Variants in CD27 observed in about 807,000 individuals in gnomAD.
CD27 encodes CD27 molecule.
A neutral mutation model predicts 25.9 loss-of-function variants in CD27; 16 were observed. The observed-to-expected ratio is 0.62, with a 90% CI of 0.42 to 0.94. CD27 has a LOEUF of 0.94. Among genes scored for constraint, CD27 ranks in the 40% least tolerant of loss-of-function variants. The pLI, the probability that CD27 is intolerant of heterozygous loss-of-function variation, is 0.00. For missense variants in CD27, 300 were observed against 333.2 expected, an observed-to-expected ratio of 0.90 and a Z score of 0.78; for synonymous variants, 142 against 124.3, an observed-to-expected ratio of 1.14 and a Z score of -0.95.
At chr12:6,444,222 C>T (rs1411108972), upstream of CD27, among the ~76,000 whole-genome samples, 1 of 152,100 alleles carries the variant, frequency 6.6e-6, no homozygotes, top group East Asian at 1.9e-4. Context: ...CAGAGACTGA[C>T]ATGAGGATTA....
Position 6,451,503 on chromosome 12 carries a change from A to G in CD27, c.*111A>G. On this transcript the variant is annotated 3_prime_UTR_variant, in exon 6 of 6. Transcript: ENST00000266557. ...ACAACTGCAGTCCCATCCTCTTGTC[A>G]GGGCCCTTTCCTGTGTACACGTGAC... 8.4e-7 allele frequency: 1 copy of G among 1,187,980 alleles called. No homozygotes were observed. Among genetic ancestry groups the G allele is most frequent in the African/African-American group, 1.5e-5 (1 of 66,010 alleles). 73.6% of individuals were successfully genotyped at this position (1,187,980 alleles called of 1,614,324 possible).
At position 6,445,411 on chromosome 12, in the gene CD27, C is replaced by A; in HGVS notation, c.137-13C>A. On this transcript the variant is annotated splice_polypyrimidine_tract_variant and intron_variant, in intron 1 of 5. Coordinates refer to ENST00000266557, the MANE Select transcript of CD27 (RefSeq NM_001242.5). This position sits in a 1 kb window ranked among gnomAD's most constrained non-coding sequence, Gnocchi z 4.5. ...CCCTTCTCAGGCCTTGATCCCTTAC[C>A]CTCTCCTCCCAGGAACATTCCTCGT... 6.2e-7 allele frequency: 1 copy of A among 1,614,016 alleles called. No homozygotes were observed. Among genetic ancestry groups the A allele is most frequent in the Non-Finnish European group, 8.5e-7 (1 of 1,179,934 alleles).
Position 6,450,774 on chromosome 12 carries a change from G to A in CD27, c.539-121G>A. On this transcript the variant is annotated intron_variant, in intron 4 of 5. Coordinates refer to ENST00000266557, the MANE Select transcript of CD27 (RefSeq NM_001242.5). The surrounding 1 kb of genome is among the most constrained non-coding windows in gnomAD (Gnocchi z 4.1). ...CTGTTTAGGAGAGGAGTTGGCCAAC[G>A]GTGGCGGGTGGGATAGAATAAGGTG... The A allele has an allele frequency of 2.0e-6, 3 of 1,474,494 alleles. No homozygotes were observed. Among genetic ancestry groups the A allele is most frequent in the Non-Finnish European group, 2.8e-6 (3 of 1,069,316 alleles). 91.3% of individuals were successfully genotyped at this position (1,474,494 alleles called of 1,614,324 possible).
In CD27 at chr12:6,450,863, C is replaced by T. The variant is rs1331081863; in HGVS notation, c.539-32C>T. Reference sequence around the variant, plus strand: ...TGAGGGAGCCAAGGGCTAGACCCTCCCCTAACCCCTGTGTGTCCCCTCCTA... The same window carrying T: ...TGAGGGAGCCAAGGGCTAGACCCTCTCCTAACCCCTGTGTGTCCCCTCCTA... On this transcript the variant is annotated intron_variant, in intron 4 of 5. Coordinates refer to ENST00000266557, the MANE Select transcript of CD27 (RefSeq NM_001242.5). This position sits in a 1 kb window ranked among gnomAD's most constrained non-coding sequence, Gnocchi z 4.1. 2 of 1,613,834 alleles carry T rather than the reference C, an allele frequency of 1.2e-6. No homozygotes were observed. The highest frequency in any genetic ancestry group is 8.5e-7 in the Non-Finnish European group (1 of 1,179,844).
Position 6,445,033 on chromosome 12 carries a change from G to A in CD27, c.-63G>A, listed in dbSNP as rs1474499542. ...AGAGACAGCAGCGCCCAGCTTGGAG[G>A]TGCTAACTCCAGAGGCCAGCATCAG... On this transcript the variant is annotated 5_prime_UTR_variant, in exon 1 of 6. In the 5' UTR this introduces an upstream ATG that the reference lacks. Transcript: ENST00000266557. This position sits in a 1 kb window ranked among gnomAD's most constrained non-coding sequence, Gnocchi z 4.5. The A allele has an allele frequency of 5.3e-6, 8 of 1,509,504 alleles. No homozygotes were observed. Among genetic ancestry groups the A allele is most frequent in the African/African-American group, 2.8e-5 (2 of 71,216 alleles). The allele number at this position is 1,509,504 out of a possible 1,614,324, so 93.5% of individuals were successfully genotyped here. A position where few individuals can be genotyped will look rare whatever the true frequency, so the allele number is the denominator to read the frequency against.
upstream of CD27, among the ~76,000 whole-genome samples, chr12:6,444,242 A>C (rs974002675): frequency 6.6e-6 from 1 of 152,174 alleles, no homozygotes; most frequent in Non-Finnish European, 1.5e-5. Context: ...AAAGGAGAGC[A>C]TAGGTGATCG....
chr12:6,445,750 A>G lies in CD27; in HGVS notation c.268+195A>G, dbSNP rs1198645389. 6.6e-6 allele frequency among the ~76,000 whole-genome samples: 1 copy of G among 152,194 alleles called. No homozygotes were observed. Among genetic ancestry groups the G allele is most frequent in the Non-Finnish European group, 1.5e-5 (1 of 68,040 alleles). ...CATGAATTAACGTGGGCAGACATCT[A>G]GTATTCCAGGAAAGGGATAAATAGA... On this transcript the variant is annotated intron_variant, in intron 2 of 5. Transcript: ENST00000266557. The surrounding 1 kb of genome is among the most constrained non-coding windows in gnomAD (Gnocchi z 4.5).
In CD27 at chr12:6,450,088, T is replaced by G. The variant is rs2136967841; in HGVS notation, c.269-85T>G. Reference sequence around the variant, plus strand: ...CACGTCCCTAGAGGTGGGCCTGGGATGGGGGTTGGGGGATGAAGCAAGTGG... The same window carrying G: ...CACGTCCCTAGAGGTGGGCCTGGGAGGGGGGTTGGGGGATGAAGCAAGTGG... On this transcript the variant is annotated intron_variant, in intron 2 of 5. Transcript: ENST00000266557. This position sits in a 1 kb window ranked among gnomAD's most constrained non-coding sequence, Gnocchi z 4.1. 1.6e-6 allele frequency: 2 copies of G among 1,258,520 alleles called. No individual in the cohort carries two copies. Among genetic ancestry groups the G allele is most frequent in the Non-Finnish European group, 2.2e-6 (2 of 898,218 alleles). The allele number at this position is 1,258,520 out of a possible 1,614,324, so 78.0% of individuals were successfully genotyped here.
chr12:6,448,964 C>A (rs1356256402), intron 2 of CD27, among the ~76,000 whole-genome samples: 1 of 151,252 alleles, frequency 6.6e-6, no homozygotes, highest in African/African-American at 2.4e-5. Context: ...CCAGCCCCAG[C>A]CCCTGGGAAT....
chr12:6,446,414 G>A (rs906438475), intron 2 of CD27, among the ~76,000 whole-genome samples: 1 of 152,164 alleles, frequency 6.6e-6, no homozygotes, highest in Non-Finnish European at 1.5e-5. Flanking sequence ...CAATCTTCTA[G>A]TCTCAGCCTC....
chr12:6,451,050 T>C (rs899764969), intron 5 of CD27, 36 bp downstream of exon 5: 1 of 1,612,980 alleles, frequency 6.2e-7, no homozygotes, highest in African/African-American at 1.3e-5. Context: ...GTCCTGCCCC[T>C]GCACCACACC....
At position 6,451,435 on chromosome 12, in the gene CD27, C is replaced by T. The variant is rs1385487815; in HGVS notation, c.*43C>T. The T allele has an allele frequency of 6.3e-7, 1 of 1,586,258 alleles. No homozygotes were observed. The highest frequency in any genetic ancestry group is 8.6e-7 in the Non-Finnish European group (1 of 1,167,368). ...CTGCACTACAGCCCTGGCCTCCACC[C>T]CCACCCCGCCGACCATCCAAGGGAG... On this transcript the variant is annotated 3_prime_UTR_variant, in exon 6 of 6. Coordinates refer to ENST00000266557, the MANE Select transcript of CD27 (RefSeq NM_001242.5).
In CD27 at chr12:6,450,824, C is replaced by G. The variant is rs1949526109; in HGVS notation, c.539-71C>G. 1.9e-6 allele frequency: 3 copies of G among 1,597,650 alleles called. No individual in the cohort carries two copies. Among genetic ancestry groups the G allele is most frequent in the Non-Finnish European group, 1.7e-6 (2 of 1,168,030 alleles). On this transcript the variant is annotated intron_variant, in intron 4 of 5. Coordinates refer to ENST00000266557, the MANE Select transcript of CD27 (RefSeq NM_001242.5). This position sits in a 1 kb window ranked among gnomAD's most constrained non-coding sequence, Gnocchi z 4.1. Reference sequence around the variant, plus strand: ...GGGGGAAAGGGGAGAGGCAAGGTGACAGGAGGGCTGGGCTGAGGGAGCCAA... The same window carrying G: ...GGGGGAAAGGGGAGAGGCAAGGTGAGAGGAGGGCTGGGCTGAGGGAGCCAA...
chr12:6,451,569 G>A lies in CD27; in HGVS notation c.*177G>A. ...GACTGGCAGGGACGAGGACAAATAT[G>A]GATGAGGTGGAGAGTGGGAAGCAGG... On this transcript the variant is annotated 3_prime_UTR_variant, in exon 6 of 6. Coordinates refer to ENST00000266557, the MANE Select transcript of CD27 (RefSeq NM_001242.5). The A allele has an allele frequency of 4.7e-6, 3 of 637,442 alleles. No individual in the cohort carries two copies. The highest frequency in any genetic ancestry group is 7.8e-6 in the Non-Finnish European group (3 of 383,126). The allele number at this position is 637,442 out of a possible 1,614,324, so 39.5% of individuals were successfully genotyped here. A position where few individuals can be genotyped will look rare whatever the true frequency, so the allele number is the denominator to read the frequency against.
upstream of CD27, among the ~76,000 whole-genome samples, chr12:6,444,508 T>C (rs1408729573): frequency 6.6e-6 from 1 of 152,008 alleles, no homozygotes; most frequent in Non-Finnish European, 1.5e-5. Flanking sequence ...TTCCAAAACT[T>C]ATCTGACCCC....
In CD27 at chr12:6,445,020, G is replaced by T; in HGVS notation, c.-76G>T. The T allele has an allele frequency of 2.7e-6, 4 of 1,460,346 alleles. No homozygotes were observed. Among genetic ancestry groups the T allele is most frequent in the Non-Finnish European group, 3.6e-6 (4 of 1,103,094 alleles). 90.5% of individuals were successfully genotyped at this position (1,460,346 alleles called of 1,614,324 possible). On this transcript the variant is annotated 5_prime_UTR_variant, in exon 1 of 6. Coordinates refer to ENST00000266557, the MANE Select transcript of CD27 (RefSeq NM_001242.5). This position sits in a 1 kb window ranked among gnomAD's most constrained non-coding sequence, Gnocchi z 4.5. Reference sequence around the variant, plus strand: ...GGGGGTGCAAAGAAGAGACAGCAGCGCCCAGCTTGGAGGTGCTAACTCCAG... The same window carrying T: ...GGGGGTGCAAAGAAGAGACAGCAGCTCCCAGCTTGGAGGTGCTAACTCCAG...
At chr12:6,449,794 G>A (rs904127421) in intron 2 of CD27, among the ~76,000 whole-genome samples, 1 of 152,024 alleles carries the variant, frequency 6.6e-6, no homozygotes, top group Non-Finnish European at 1.5e-5. Context: ...AGGTTGCAAC[G>A]AGCCAAGGTC....
Position 6,450,072 on chromosome 12 carries a change from A to C in CD27, c.269-101A>C. The C allele has an allele frequency of 1.9e-6, 2 of 1,041,948 alleles. No homozygotes were observed. Among genetic ancestry groups the C allele is most frequent in the Non-Finnish European group, 2.8e-6 (2 of 709,124 alleles). The allele number at this position is 1,041,948 out of a possible 1,614,324, so 64.5% of individuals were successfully genotyped here. ...GGAATGGAAAGGGAAGCACGTCCCTAGAGGTGGGCCTGGGATGGGGGTTGG... is the reference window on the plus strand; with the variant it reads ...GGAATGGAAAGGGAAGCACGTCCCTCGAGGTGGGCCTGGGATGGGGGTTGG... On this transcript the variant is annotated intron_variant, in intron 2 of 5. Transcript: ENST00000266557. This position sits in a 1 kb window ranked among gnomAD's most constrained non-coding sequence, Gnocchi z 4.1.
chr12:6,445,141 G>A lies in CD27; in HGVS notation c.46G>A (p.Val16Met). 2.5e-6 allele frequency: 4 copies of A among 1,608,704 alleles called. No individual in the cohort carries two copies. The highest frequency in any genetic ancestry group is 3.4e-6 in the Non-Finnish European group (4 of 1,177,994). ...GTGGCTGTGCGTTCTGGGGACCCTGGTGGGGCTCTCAGCTACTCCAGCCCC... is the reference window on the plus strand; with the variant it reads ...GTGGCTGTGCGTTCTGGGGACCCTGATGGGGCTCTCAGCTACTCCAGCCCC... ...PWWLCVLGTL[V>M]GLSATPAPKS... Residue 16 changes from valine to methionine, a missense_variant, in exon 1 of 6, where the codon GTG (valine) becomes ATG (methionine). By Grantham distance (21) the Val-to-Met change is conservative (BLOSUM62 1). Coordinates refer to ENST00000266557, the MANE Select transcript of CD27 (RefSeq NM_001242.5). The surrounding 1 kb of genome is among the most constrained non-coding windows in gnomAD (Gnocchi z 4.5).
Sources: gnomAD v4.1 joint callset for allele counts (sites outside exome capture counted in the v4.1 genomes callset) on GRCh38, gnomAD v4.1.1 for gene constraint, Gnocchi (gnomAD v3.1) non-coding constraint, MANE v1.5 for transcripts, NCBI Gene and HGNC (gene_info 2026-07-23, HGNC 2026-07-21) for gene names.